Variants in RPH3A observed in about 807,000 individuals in gnomAD.
The protein encoded by RPH3A is rabphilin-3A.
RPH3A carries 48 observed loss-of-function variants against 102.2 expected under a neutral mutation model. The observed-to-expected ratio is 0.47, with a 90% CI of 0.37 to 0.60. The LOEUF (loss-of-function observed/expected upper bound fraction) is 0.60, where lower values mean the gene tolerates loss of function less well. Ranked by LOEUF, RPH3A falls within the 20% of genes least tolerant of loss-of-function variation. The probability of loss-of-function intolerance (pLI) is 0.00; values close to 1 mark genes in which losing one functional copy is unlikely to be tolerated. For synonymous variants in RPH3A, 310 were observed against 324.3 expected (o/e 0.96, Z 0.47); for missense variants, 781 against 910.1 (o/e 0.86, Z 1.83).
Position 112,890,880 on chromosome 12 carries a change from G to A in RPH3A, c.1652G>A (p.Arg551His), listed in dbSNP as rs774532498. The change falls in exon 19 of 22, where the codon CGT (arginine) becomes CAT (histidine). Residue 551 changes from arginine (R) to histidine (H), a missense_variant. By Grantham distance (29) the Arg-to-His change is conservative (BLOSUM62 0). This residue lies in a region of RPH3A where 730 missense variants were observed against 810.0 expected (regional missense o/e 0.90). Transcript: ENST00000389385. ...QVERVGDIEE[R>H]GKILVSLMYS... ...GAGCGTGTTGGTGACATCGAGGAGC[G>A]TGGCAAGATCCTGGTCTCCCTCATG... 2.1e-5 allele frequency: 34 copies of A among 1,613,962 alleles called. No individual in the cohort carries two copies. The highest frequency in any genetic ancestry group is 4.5e-5 in the East Asian group (2 of 44,872).
At chr12:112,831,714 T>C in intron 3 of RPH3A, 1 of 454,186 alleles carries the variant, frequency 2.2e-6, no homozygotes, top group Non-Finnish European at 4.4e-6. Context: ...GTGTGTATCT[T>C]AAAACATTGA....
At chr12:112,814,603 A>G (rs1048246050) in intron 2 of RPH3A, among the ~76,000 whole-genome samples, 1 of 152,144 alleles carries the variant, frequency 6.6e-6, no homozygotes, top group African/African-American at 2.4e-5. Context: ...GGTTATCTAG[A>G]CTAGTGATTA....
At position 112,826,285 on chromosome 12, in the gene RPH3A, T is replaced by C. The variant is rs138291276; in HGVS notation, c.-18-2016T>C. On this transcript the variant is annotated intron_variant, in intron 2 of 21. Coordinates refer to ENST00000389385, the MANE Select transcript of RPH3A (RefSeq NM_001143854.2). ...GTTGAGGGAGCAGCAGGAAGGCCTT[T>C]GGGGCTGGGAAAGAGGGCGTGAGAA... Among the ~76,000 whole-genome samples, 1,168 of 152,056 alleles carry C rather than the reference T, an allele frequency of 7.7e-3. 17 individuals carry two copies. The highest frequency in any genetic ancestry group is 0.027 in the African/African-American group (1,116 of 41,484).
At chr12:112,883,256 G>C in intron 15 of RPH3A, 37 bp from the exon 16 acceptor site, 4 of 1,547,644 alleles carry the variant, frequency 2.6e-6, no homozygotes, top group Non-Finnish European at 3.6e-6. Flanking sequence ...GCTCCCCACT[G>C]AGGTAGGTGT....
At chr12:112,635,516 A>T (rs1366476173) in intron 1 of RPH3A, among the ~76,000 whole-genome samples, 1 of 151,872 alleles carries the variant, frequency 6.6e-6, no homozygotes, top group Non-Finnish European at 1.5e-5. Context: ...TGCCATGTAA[A>T]TGTAGGTGGT....
chr12:112,824,659 T>C (rs2041836645), intron 2 of RPH3A, among the ~76,000 whole-genome samples: 1 of 152,178 alleles, frequency 6.6e-6, no homozygotes, highest in Non-Finnish European at 1.5e-5. Flanking sequence ...AATCCTGGGA[T>C]GTTAAGTGCA....
rs147332627 is a variant in RPH3A at position 112,753,267 on chromosome 12, C to T, written c.-139-38876C>T. Among the ~76,000 whole-genome samples the T allele has an allele frequency of 2.9e-3, 445 of 152,272 alleles. 2 individuals carry two copies. Among genetic ancestry groups the T allele is most frequent in the African/African-American group, 9.2e-3 (382 of 41,564 alleles). ...CTGGGCAGAGCCCACTTCATTAATCCCCAAGTTTCAAATTTTGTACCCACG... is the reference window on the plus strand; with the variant it reads ...CTGGGCAGAGCCCACTTCATTAATCTCCAAGTTTCAAATTTTGTACCCACG... On this transcript the variant is annotated intron_variant, in intron 1 of 21. Transcript: ENST00000543106.
At chr12:112,840,116 C>T (rs2042117531) in intron 4 of RPH3A, among the ~76,000 whole-genome samples, 1 of 152,186 alleles carries the variant, frequency 6.6e-6, no homozygotes, top group African/African-American at 2.4e-5. Context: ...AACCATATTT[C>T]ATGCTTTTAC....
chr12:112,734,276 G>A (rs540150474), intron 1 of RPH3A, among the ~76,000 whole-genome samples: 1 of 152,324 alleles, frequency 6.6e-6, no homozygotes, highest in South Asian at 2.1e-4. Context: ...TGCTGTGCAG[G>A]TTTATAGCCT....
intron 1 of RPH3A, chr12:112,694,979 A>G (rs536101704): frequency 5.9e-6 from 1 of 170,400 alleles, no homozygotes; most frequent in South Asian, 2.0e-4. Context: ...AGTTTGCTGT[A>G]AGTTTTATAT....
At chr12:112,695,222 A>G (rs578025294) in intron 1 of RPH3A, 1 of 168,758 alleles carries the variant, frequency 5.9e-6, no homozygotes, top group East Asian at 1.9e-4. Flanking sequence ...ATAGACAAGG[A>G]TCAGAGATGT....
chr12:112,844,118 C>T (rs1028118086), intron 4 of RPH3A, among the ~76,000 whole-genome samples: 1 of 152,232 alleles, frequency 6.6e-6, no homozygotes, highest in African/African-American at 2.4e-5. Context: ...ATCCCCACCT[C>T]TTGGTGTTCA....
intron 4 of RPH3A, among the ~76,000 whole-genome samples, chr12:112,838,464 T>C (rs2042090892): frequency 6.6e-6 from 1 of 152,216 alleles, no homozygotes; most frequent in Non-Finnish European, 1.5e-5. Flanking sequence ...AAAGGTTCTG[T>C]GGTGTGGCTG....
At chr12:112,769,050 G>T (rs2040910858) in intron 1 of RPH3A, among the ~76,000 whole-genome samples, 1 of 152,218 alleles carries the variant, frequency 6.6e-6, no homozygotes. Context: ...CATGACCACA[G>T]GATTTCTGTA....
At chr12:112,831,759 G>A (rs533886281) in intron 3 of RPH3A, 2 of 455,718 alleles carry the variant, frequency 4.4e-6, no homozygotes, top group Admixed American at 2.4e-5. Context: ...CAGCATTCTA[G>A]GTGGACTTTG....
chr12:112,810,198 C>T (rs2041545696), intron 2 of RPH3A, among the ~76,000 whole-genome samples: 2 of 152,160 alleles, frequency 1.3e-5, no homozygotes, highest in African/African-American at 4.8e-5. Flanking sequence ...GAAATCAGGG[C>T]TGAATGAATT....
chr12:112,833,228 G>T (rs1345369846), intron 3 of RPH3A, among the ~76,000 whole-genome samples: 1 of 152,120 alleles, frequency 6.6e-6, no homozygotes, highest in Non-Finnish European at 1.5e-5. Flanking sequence ...ATGCCTGTAA[G>T]GTGGAAATAC....
intron 2 of RPH3A, among the ~76,000 whole-genome samples, chr12:112,805,671 C>T (rs1478496255): frequency 1.3e-5 from 2 of 152,120 alleles, no homozygotes; most frequent in Admixed American, 6.6e-5. Flanking sequence ...AGAGTTTGCT[C>T]GTTGACAGCC....
At chr12:112,715,486 T>C (rs926357993) in intron 1 of RPH3A, among the ~76,000 whole-genome samples, 6 of 152,184 alleles carry the variant, frequency 3.9e-5, no homozygotes, top group Non-Finnish European at 5.9e-5. Flanking sequence ...TTCTTCTTTA[T>C]AATATTCCTA....
Sources: gnomAD v4.1 joint callset for allele counts (sites outside exome capture counted in the v4.1 genomes callset) on GRCh38, gnomAD v4.1.1 for gene constraint, gnomAD v4.1.1 regional missense constraint, MANE v1.5 for transcripts, NCBI Gene and HGNC (gene_info 2026-07-23, HGNC 2026-07-21) for gene names.